Variants in GPHN observed in about 807,000 individuals in gnomAD.
GPHN encodes gephyrin.
A neutral mutation model predicts 95.5 loss-of-function variants in GPHN; 17 were observed. That is an observed-to-expected ratio of 0.18 (90% CI 0.12 to 0.27). The LOEUF is 0.27. GPHN is among the 10% of genes least tolerant of loss of function. The probability of loss-of-function intolerance (pLI) is 1.00; values close to 1 mark genes in which losing one functional copy is unlikely to be tolerated. For missense variants in GPHN, 660 were observed against 978.1 expected (o/e 0.67, Z 4.34); for synonymous variants, 320 against 322.5 (o/e 0.99, Z 0.08).
the GPHN span, chr14:67,279,746 T>C: frequency 2.3e-6 from 1 of 434,012 alleles, no homozygotes; most frequent in Non-Finnish European, 4.0e-6. Flanking sequence ...AAATGTTAAG[T>C]CACTATAACA....
intron 2 of GPHN, among the ~76,000 whole-genome samples, chr14:66,769,003 T>C (rs994972058): frequency 2.6e-5 from 4 of 152,022 alleles, no homozygotes; most frequent in Non-Finnish European, 4.4e-5. Flanking sequence ...TGTGGATATG[T>C]GTAAAAATTT....
At chr14:67,708,794 C>CT in the GPHN span, among the ~76,000 whole-genome samples, 28,637 of 136,838 alleles carry the variant, frequency 0.21, 3,842 homozygotes, top group Non-Finnish European at 0.29. Flanking sequence ...TTAATAATAC[C>CT]TTTTTTTTTT....
chr14:66,707,065 A>G (rs1167459478), intron 2 of GPHN, among the ~76,000 whole-genome samples: 1 of 151,916 alleles, frequency 6.6e-6, no homozygotes, highest in African/African-American at 2.4e-5. Flanking sequence ...AAAAAAAAAA[A>G]ACAACATCAC....
At chr14:67,144,257 A>ACATATATATATG (rs1567400655) in intron 18 of GPHN, among the ~76,000 whole-genome samples, 4 of 87,056 alleles carry the variant, frequency 4.6e-5, no homozygotes, top group Non-Finnish European at 8.5e-5. Context: ...AAAAATATAT[A>ACATATATATATG]TATATATATA....
At chr14:67,729,398 G>C in the GPHN span, 3 of 1,595,770 alleles carry the variant, frequency 1.9e-6, no homozygotes, top group Non-Finnish European at 2.5e-6. Flanking sequence ...AAGGCAATGC[G>C]GTTCTCTCCA....
chr14:67,589,006 T>G, the GPHN span: 1 of 152,644 alleles, frequency 6.6e-6, no homozygotes, highest in African/African-American at 2.4e-5. Flanking sequence ...AGCTGAGACA[T>G]TTCTACCTCG....
chr14:67,316,989 A>G, the GPHN span: 3 of 1,011,150 alleles, frequency 3.0e-6, no homozygotes, highest in Non-Finnish European at 4.5e-6. Context: ...AGAACCGTGA[A>G]GAAGTACTCA....
chr14:66,833,682 T>C (rs2061673545), intron 4 of GPHN, among the ~76,000 whole-genome samples: 1 of 150,398 alleles, frequency 6.6e-6, no homozygotes, highest in Admixed American at 6.6e-5. Context: ...AAAAAAAAGT[T>C]CTGATGTAAT....
the GPHN span, chr14:67,586,113 G>C: frequency 1.9e-6 from 3 of 1,613,220 alleles, no homozygotes; most frequent in South Asian, 2.2e-5. Flanking sequence ...TCTGACAGCT[G>C]TTAAAACGTT....
At chr14:67,466,159 C>G in the GPHN span, among the ~76,000 whole-genome samples, 2 of 152,246 alleles carry the variant, frequency 1.3e-5, no homozygotes, top group African/African-American at 2.4e-5. Context: ...CCCCAGGACC[C>G]TTCGCCATCT....
At chr14:67,272,232 A>G in the GPHN span, among the ~76,000 whole-genome samples, 3 of 152,176 alleles carry the variant, frequency 2.0e-5, no homozygotes, top group Non-Finnish European at 4.4e-5. Flanking sequence ...GACCCAATCA[A>G]ACTTTCTAGT....
chr14:67,213,258 C>T, the GPHN span, among the ~76,000 whole-genome samples: 2 of 149,708 alleles, frequency 1.3e-5, no homozygotes, highest in African/African-American at 4.9e-5. Context: ...TGGTGTGCTG[C>T]ACCCATTAAC....
intron 2 of GPHN, among the ~76,000 whole-genome samples, chr14:66,741,879 A>C (rs2072819517): frequency 6.6e-6 from 1 of 152,080 alleles, no homozygotes; most frequent in Non-Finnish European, 1.5e-5. Context: ...CATGATAAAA[A>C]CCCGTTGTCT....
At chr14:67,006,469 A>C (rs918937810) in intron 9 of GPHN, among the ~76,000 whole-genome samples, 1 of 152,122 alleles carries the variant, frequency 6.6e-6, no homozygotes, top group Non-Finnish European at 1.5e-5. Context: ...TTGGGCTACC[A>C]TGCTTAAATG....
At chr14:66,510,994 G>T (rs1439620890) in intron 1 of GPHN, among the ~76,000 whole-genome samples, 1 of 152,182 alleles carries the variant, frequency 6.6e-6, no homozygotes, top group Non-Finnish European at 1.5e-5. Flanking sequence ...TGGAATAAGT[G>T]ATAATAGAGG....
At chr14:67,404,684 C>T in the GPHN span, among the ~76,000 whole-genome samples, 2 of 150,844 alleles carry the variant, frequency 1.3e-5, no homozygotes, top group Admixed American at 6.6e-5. Context: ...GTGACATGCA[C>T]CTGTGGTCCC....
chr14:67,651,023 A>G, the GPHN span: 7 of 1,199,548 alleles, frequency 5.8e-6, no homozygotes, highest in Non-Finnish European at 7.1e-6. Context: ...ATACTGCCTT[A>G]ATGAGAACAT....
intron 4 of GPHN, among the ~76,000 whole-genome samples, chr14:66,879,200 C>T (rs1270836134): frequency 6.6e-6 from 1 of 151,840 alleles, no homozygotes; most frequent in Non-Finnish European, 1.5e-5. Flanking sequence ...CACACCAGGG[C>T]CTGTCAGGGG....
the GPHN span, among the ~76,000 whole-genome samples, chr14:67,239,517 A>G: frequency 5.3e-5 from 8 of 152,236 alleles, no homozygotes; most frequent in Non-Finnish European, 1.2e-4. Flanking sequence ...GAATTCATTG[A>G]CGAGCTGGAG....
Sources: gnomAD v4.1 joint callset for allele counts (sites outside exome capture counted in the v4.1 genomes callset) on GRCh38, gnomAD v4.1.1 for gene constraint, MANE v1.5 for transcripts, NCBI Gene and HGNC (gene_info 2026-07-23, HGNC 2026-07-21) for gene names.